The following RASSF3 variants were observed in gnomAD, a reference collection of about 807,000 sequenced individuals.
RASSF3 encodes the protein ras association domain-containing protein 3.
In RASSF3, 19 loss-of-function variants were observed where a neutral mutation model predicts 19.9. The ratio of observed to expected loss-of-function variants is 0.96; its 90% CI spans 0.67 to 1.40. The LOEUF (loss-of-function observed/expected upper bound fraction) is 1.40, where lower values mean the gene tolerates loss of function less well. Among genes scored for constraint, RASSF3 ranks in the 40% most tolerant of loss-of-function variants. The pLI is 0.00. For synonymous variants in RASSF3, 110 were observed against 104.2 expected (o/e 1.06, Z -0.34); for missense variants, 306 against 289.8 (o/e 1.06, Z -0.41).
upstream of RASSF3, among the ~76,000 whole-genome samples, chr12:64,530,204 T>C (rs1347662643): frequency 6.6e-6 from 1 of 152,224 alleles, no homozygotes; most frequent in Non-Finnish European, 1.5e-5. Context: ...TGATATAATA[T>C]ATATTCTTTT....
chr12:64,694,249 C>T (rs564684832), intron 4 of RASSF3, among the ~76,000 whole-genome samples: 7 of 152,058 alleles, frequency 4.6e-5, no homozygotes, highest in Admixed American at 4.6e-4. Flanking sequence ...AGCATAAGAG[C>T]CGAGTGAGGA....
chr12:64,528,732 A>G (rs1868641568), upstream of RASSF3, among the ~76,000 whole-genome samples: 1 of 152,200 alleles, frequency 6.6e-6, no homozygotes, highest in African/African-American at 2.4e-5. Context: ...TGGGTGCTGG[A>G]TAACGGTGCA....
At chr12:64,638,294 G>C (rs557255938) in intron 1 of RASSF3, among the ~76,000 whole-genome samples, 1 of 152,244 alleles carries the variant, frequency 6.6e-6, no homozygotes, top group South Asian at 2.1e-4. Context: ...TATAAAAGTA[G>C]TATGGGCCGG....
chr12:64,520,511 C>T (rs867151159), intron 1 of RASSF3, among the ~76,000 whole-genome samples: 6 of 140,036 alleles, frequency 4.3e-5, no homozygotes, highest in Admixed American at 2.2e-4. Context: ...TGTGAGTGTG[C>T]GTGCATATGT....
chr12:64,611,121 C>T (rs868338418), intron 1 of RASSF3, among the ~76,000 whole-genome samples: 1 of 152,144 alleles, frequency 6.6e-6, no homozygotes, highest in Non-Finnish European at 1.5e-5. Flanking sequence ...GTTCGCGCGC[C>T]TGTCCTTCCT....
chr12:64,654,429 G>A (rs1033941787), intron 1 of RASSF3, among the ~76,000 whole-genome samples: 2 of 151,856 alleles, frequency 1.3e-5, no homozygotes, highest in African/African-American at 4.8e-5. Flanking sequence ...GCCTCCCAAA[G>A]TGCTAGGTTT....
chr12:64,648,340 G>A (rs573724034), intron 1 of RASSF3, among the ~76,000 whole-genome samples: 19 of 152,254 alleles, frequency 1.2e-4, no homozygotes, highest in Middle Eastern at 3.4e-3. Context: ...ACTTGCAGTA[G>A]GATGTCCATC....
intron 1 of RASSF3, among the ~76,000 whole-genome samples, chr12:64,633,258 C>T (rs887983805): frequency 2.0e-5 from 3 of 152,134 alleles, no homozygotes; most frequent in Non-Finnish European, 2.9e-5. Context: ...GATACTGATA[C>T]GGTTTGGATG....
intron 2 of RASSF3, among the ~76,000 whole-genome samples, chr12:64,598,075 C>A (rs1332235479): frequency 6.6e-6 from 1 of 152,030 alleles, no homozygotes; most frequent in Non-Finnish European, 1.5e-5. Context: ...AGCCACCATG[C>A]CCAGCTAATT....
downstream of RASSF3, among the ~76,000 whole-genome samples, chr12:64,546,095 C>CAAAAAAAAAAAAAAAAAAAAAAAAAAA (rs34666595): frequency 3.4e-5 from 2 of 59,546 alleles, no homozygotes; most frequent in Non-Finnish European, 5.9e-5. Context: ...GACTCCGTCT[C>CAAAAAAAAAAAAAAAAAAAAAAAAAAA]AAAAAAAAAA....
At chr12:64,599,924 C>CT (rs1565846628) in intron 2 of RASSF3, among the ~76,000 whole-genome samples, 1 of 149,078 alleles carries the variant, frequency 6.7e-6, no homozygotes, top group Admixed American at 6.8e-5. Context: ...CCCAGCTCCT[C>CT]GGGAGGCTGA....
intron 1 of RASSF3, among the ~76,000 whole-genome samples, chr12:64,650,192 G>A (rs912245053): frequency 2.0e-5 from 3 of 152,136 alleles, no homozygotes; most frequent in Non-Finnish European, 4.4e-5. Flanking sequence ...CCCTGTTTGA[G>A]CCTGTGATCT....
downstream of RASSF3, among the ~76,000 whole-genome samples, chr12:64,545,304 A>C (rs933866135): frequency 6.6e-6 from 1 of 152,190 alleles, no homozygotes; most frequent in Non-Finnish European, 1.5e-5. Context: ...GTAAGGTTTA[A>C]ACAAATGCTT....
At chr12:64,603,415 T>C (rs1870130198) in intron 2 of RASSF3, among the ~76,000 whole-genome samples, 1 of 152,198 alleles carries the variant, frequency 6.6e-6, no homozygotes, top group South Asian at 2.1e-4. Context: ...ATGGGGTTTA[T>C]CTTGCAGTCC....
At chr12:64,577,729 C>T (rs1022930743) in intron 2 of RASSF3, among the ~76,000 whole-genome samples, 13 of 152,040 alleles carry the variant, frequency 8.6e-5, no homozygotes, top group Non-Finnish European at 1.6e-4. Flanking sequence ...AAGACTCTGT[C>T]TCAAAACAAA....
chr12:64,652,138 A>G (rs1871977894), intron 1 of RASSF3, among the ~76,000 whole-genome samples: 1 of 152,212 alleles, frequency 6.6e-6, no homozygotes, highest in African/African-American at 2.4e-5. Flanking sequence ...TCCTTGTTGA[A>G]TAGAGATGAG....
intron 2 of RASSF3, among the ~76,000 whole-genome samples, chr12:64,548,800 T>G (rs1015351951): frequency 8.5e-5 from 13 of 152,322 alleles, no homozygotes; most frequent in African/African-American, 2.9e-4. Flanking sequence ...AAAATTCAAT[T>G]TTAAAGGGCT....
chr12:64,631,631 G>C (rs1268386976), intron 1 of RASSF3, among the ~76,000 whole-genome samples: 2 of 152,084 alleles, frequency 1.3e-5, no homozygotes, highest in African/African-American at 4.8e-5. Context: ...GAGTGCAGTG[G>C]TGCAATCTCT....
chr12:64,653,759 G>A (rs1472783246), intron 1 of RASSF3, among the ~76,000 whole-genome samples: 1 of 152,108 alleles, frequency 6.6e-6, no homozygotes, highest in East Asian at 1.9e-4. Flanking sequence ...TGTTGCTTAG[G>A]CTGGTCTTGA....
Sources: allele counts gnomAD v4.1 joint callset (sites outside exome capture counted in the v4.1 genomes callset), GRCh38; gene constraint gnomAD v4.1.1; transcripts MANE v1.5; gene names NCBI Gene and HGNC (gene_info 2026-07-23, HGNC 2026-07-21).